LMO7: variants seen among roughly 807,000 people sequenced by gnomAD.
The protein encoded by LMO7 is LIM domain only protein 7.
In LMO7, 120 loss-of-function variants were observed where a neutral mutation model predicts 206.5. The observed-to-expected ratio is 0.58, with a 90% confidence interval of 0.50 to 0.68. The LOEUF (loss-of-function observed/expected upper bound fraction) is 0.68, where lower values mean the gene tolerates loss of function less well. Among genes scored for constraint, LMO7 ranks in the 30% least tolerant of loss-of-function variants. The probability of loss-of-function intolerance (pLI) is 0.00; values close to 1 mark genes in which losing one functional copy is unlikely to be tolerated. For missense variants in LMO7, 1,959 were observed against 1,957.9 expected, an observed-to-expected ratio of 1.00 and a Z score of -0.01; for synonymous variants, 706 against 681.5, an observed-to-expected ratio of 1.04 and a Z score of -0.56.
chr13:75,785,684 T>C (rs2052324557), intron 4 of LMO7, among the ~76,000 whole-genome samples: 1 of 152,166 alleles, frequency 6.6e-6, no homozygotes, highest in Non-Finnish European at 1.5e-5. Context: ...AGCATAGAAT[T>C]AGTACTTTTA....
At chr13:75,849,730 T>G (rs2060332413) in intron 27 of LMO7, among the ~76,000 whole-genome samples, 1 of 152,124 alleles carries the variant, frequency 6.6e-6, no homozygotes, top group East Asian at 1.9e-4. Flanking sequence ...GATAATTGGA[T>G]TCACAAAGTG....
chr13:75,621,835 C>T (rs1306690334), exon 1 of LMO7: 2 of 1,608,302 alleles, frequency 1.2e-6, no homozygotes, highest in East Asian at 2.2e-5. Flanking sequence ...TGTGGGTTGG[C>T]TGTATCTCAG....
At chr13:75,762,591 T>C (rs1029357608) in intron 4 of LMO7, among the ~76,000 whole-genome samples, 8 of 152,150 alleles carry the variant, frequency 5.3e-5, no homozygotes, top group African/African-American at 1.7e-4. Flanking sequence ...TCATGAGATG[T>C]TGGGCCTAAA....
chr13:75,718,907 G>C (rs1303795213), intron 2 of LMO7, among the ~76,000 whole-genome samples: 2 of 151,414 alleles, frequency 1.3e-5, no homozygotes, highest in Admixed American at 6.6e-5. Flanking sequence ...AGCCTTTTCA[G>C]ATTGGCTTCT....
chr13:75,792,550 G>T (rs559159820), intron 4 of LMO7, among the ~76,000 whole-genome samples: 1 of 152,290 alleles, frequency 6.6e-6, no homozygotes, highest in South Asian at 2.1e-4. Flanking sequence ...TAAGTAGGCT[G>T]GTTCATGGAG....
At chr13:75,727,200 G>A (rs1445127826) in intron 3 of LMO7, 102 bp downstream of exon 3, 9 of 663,856 alleles carry the variant, frequency 1.4e-5, no homozygotes, top group Non-Finnish European at 2.3e-5. Context: ...CTGAAATTAG[G>A]TTATGGTTTT....
At chr13:75,746,371 G>A (rs2046837861) in intron 3 of LMO7, among the ~76,000 whole-genome samples, 3 of 152,142 alleles carry the variant, frequency 2.0e-5, no homozygotes, top group African/African-American at 7.2e-5. Flanking sequence ...TAAGAAATGG[G>A]GTGATCACTG....
At chr13:75,810,990 A>C (rs930669933) in intron 11 of LMO7, among the ~76,000 whole-genome samples, 2 of 152,254 alleles carry the variant, frequency 1.3e-5, no homozygotes, top group Non-Finnish European at 2.9e-5. Flanking sequence ...TTCAATGCCA[A>C]GGTAACTACA....
intron 1 of LMO7, among the ~76,000 whole-genome samples, chr13:75,649,009 T>C (rs1211162850): frequency 6.6e-6 from 1 of 152,102 alleles, no homozygotes; most frequent in African/African-American, 2.4e-5. Flanking sequence ...AATCAGAAAG[T>C]TGATGCGTGG....
intron 26 of LMO7, among the ~76,000 whole-genome samples, chr13:75,846,462 T>C (rs2060005693): frequency 6.6e-6 from 1 of 152,212 alleles, no homozygotes; most frequent in Non-Finnish European, 1.5e-5. Flanking sequence ...GTCTTACCTT[T>C]CCCTATTTGT....
chr13:75,841,886 CAGGCTG>C lies in LMO7; in HGVS notation c.3944_3949del (p.Ala1315_Glu1316del). 6.2e-7 allele frequency: 1 copy of C among 1,613,996 alleles called. No individual in the cohort carries two copies. The highest frequency in any genetic ancestry group is 1.7e-4 in the Middle Eastern group (1 of 6,032). On this transcript the variant is annotated inframe_deletion, in exon 24 of 31. Transcript: ENST00000377534. ...GGAAGAGCAAGAGCAAAAGCGGCTTCAGGCTGAGGCTGAGGAGCAGAAGCGTCCTGC... is the reference window on the plus strand; with the variant it reads ...GGAAGAGCAAGAGCAAAAGCGGCTTCAGGCTGAGGAGCAGAAGCGTCCTGC...
intron 15 of LMO7, among the ~76,000 whole-genome samples, chr13:75,831,017 T>G (rs998664593): frequency 2.0e-5 from 3 of 152,036 alleles, no homozygotes; most frequent in Non-Finnish European, 4.4e-5. Flanking sequence ...GTAAGAGTGG[T>G]GAAGATGACC....
At chr13:75,726,135 T>C (rs2328954) in intron 2 of LMO7, among the ~76,000 whole-genome samples, 77,708 of 151,662 alleles carry the variant, frequency 0.51, 21,344 homozygotes, top group African/African-American at 0.71. Context: ...ATAGGAAAAT[T>C]AGTTTCAAGA....
At chr13:75,688,449 T>C (rs1379809883) in intron 1 of LMO7, 2 of 152,246 alleles carry the variant, frequency 1.3e-5, no homozygotes, top group Non-Finnish European at 2.9e-5. Flanking sequence ...TCTATGCTTA[T>C]TCTTTCAACT....
intron 3 of LMO7, among the ~76,000 whole-genome samples, chr13:75,757,963 G>A (rs1206611023): frequency 2.6e-5 from 4 of 152,006 alleles, no homozygotes; most frequent in African/African-American, 4.8e-5. Context: ...TTTGTGTGAT[G>A]GGTTGGGCCA....
rs1595241311 is a variant in LMO7 at position 75,815,938 on chromosome 13, G to T, written c.1947-1223G>T. On this transcript the variant is annotated intron_variant, in intron 11 of 30. Coordinates refer to ENST00000377534, the MANE Select transcript of LMO7 (RefSeq NM_001306080.2). Reference sequence around the variant, plus strand: ...AGGTTTGGGGACAAGATTGAGTTTGGTCACATCAACAATAACCATGCATTT... The same window carrying T: ...AGGTTTGGGGACAAGATTGAGTTTGTTCACATCAACAATAACCATGCATTT... 2.6e-5 allele frequency among the ~76,000 whole-genome samples: 4 copies of T among 152,276 alleles called. No individual in the cohort carries two copies. In the South Asian group the frequency reaches 8.3e-4, roughly 32 times the overall value.
chr13:75,719,053 T>C (rs1181507026), intron 2 of LMO7, among the ~76,000 whole-genome samples: 11 of 151,580 alleles, frequency 7.3e-5, no homozygotes, highest in South Asian at 2.1e-4. Flanking sequence ...GATCTCGGCT[T>C]ACTGCAACCT....
intron 3 of LMO7, among the ~76,000 whole-genome samples, chr13:75,747,211 A>G (rs928460605): frequency 1.6e-4 from 24 of 152,296 alleles, no homozygotes; most frequent in African/African-American, 4.8e-4. Flanking sequence ...AAACTTAATC[A>G]TGCATTTTAA....
chr13:75,779,319 T>C (rs543553353), intron 4 of LMO7, among the ~76,000 whole-genome samples: 10 of 151,692 alleles, frequency 6.6e-5, no homozygotes, highest in Non-Finnish European at 1.3e-4. Flanking sequence ...TGGAACTAAA[T>C]ATGGTGAACA....
Sources: gnomAD v4.1 joint callset for allele counts (sites outside exome capture counted in the v4.1 genomes callset) on GRCh38, gnomAD v4.1.1 for gene constraint, MANE v1.5 for transcripts, NCBI Gene and HGNC (gene_info 2026-07-23, HGNC 2026-07-21) for gene names.